The following ARHGAP35 variants were observed in gnomAD, a reference collection of about 807,000 sequenced individuals.
ARHGAP35 encodes Rho GTPase activating protein 35.
Under a neutral mutation model 111.1 loss-of-function variants are expected in ARHGAP35, and 15 were observed. That is an observed-to-expected ratio of 0.13 (90% confidence interval 0.09 to 0.21). The LOEUF is 0.21. ARHGAP35 is among the 10% of genes least tolerant of loss of function. ARHGAP35 has a pLI of 1.00. For missense variants in ARHGAP35, 1,262 were observed against 1,873.0 expected (o/e 0.67, Z 6.02); for synonymous variants, 643 against 710.3 (o/e 0.91, Z 1.51).
chr19:46,861,987 C>T (rs540649387), intron 1 of ARHGAP35, among the ~76,000 whole-genome samples: 8 of 152,306 alleles, frequency 5.3e-5, no homozygotes, highest in Non-Finnish European at 8.8e-5. Context: ...GGCTTTCTGA[C>T]CCTTCCGTGC....
At chr19:46,882,342 T>C (rs901212003) in intron 1 of ARHGAP35, among the ~76,000 whole-genome samples, 1 of 152,068 alleles carries the variant, frequency 6.6e-6, no homozygotes, top group African/African-American at 2.4e-5. Context: ...CAGCGTATGT[T>C]GACCATGCTG....
At chr19:46,877,432 G>A (rs1465328122) in intron 1 of ARHGAP35, among the ~76,000 whole-genome samples, 1 of 151,440 alleles carries the variant, frequency 6.6e-6, no homozygotes, top group East Asian at 2.0e-4. Flanking sequence ...GCGTGGTGGT[G>A]GGCACCTGTA....
At chr19:46,963,631 T>C (rs1389783950) in intron 3 of ARHGAP35, among the ~76,000 whole-genome samples, 3 of 152,178 alleles carry the variant, frequency 2.0e-5, no homozygotes, top group African/African-American at 7.2e-5. Flanking sequence ...GTCCTAACTT[T>C]TAGCTTATCT....
chr19:46,978,176 TC>T (rs1447954259), intron 3 of ARHGAP35, among the ~76,000 whole-genome samples: 2 of 152,174 alleles, frequency 1.3e-5, no homozygotes, highest in Non-Finnish European at 2.9e-5. Context: ...TAGATTTTTA[TC>T]CTAGATTGCA....
At chr19:46,895,445 G>A (rs948361678) in intron 1 of ARHGAP35, among the ~76,000 whole-genome samples, 3 of 152,156 alleles carry the variant, frequency 2.0e-5, no homozygotes, top group South Asian at 2.1e-4. Context: ...GATTACAGGC[G>A]TGAGCCACCG....
chr19:46,993,306 G>A lies in ARHGAP35; in HGVS notation c.4036+3631G>A, dbSNP rs2056689099. Among the ~76,000 whole-genome samples the A allele has an allele frequency of 2.0e-5, 3 of 152,218 alleles. No homozygotes were observed. Among genetic ancestry groups the A allele is most frequent in the Admixed American group, 1.3e-4 (2 of 15,280 alleles). ...TGAGCCGGGCTTTCCCTTTCCTGGCGATGCAGGCGTGCAGATGGTCAGCGG... is the reference window on the plus strand; with the variant it reads ...TGAGCCGGGCTTTCCCTTTCCTGGCAATGCAGGCGTGCAGATGGTCAGCGG... On this transcript the variant is annotated intron_variant, in intron 5 of 6. Transcript: ENST00000672722. The surrounding 1 kb of genome is among the most constrained non-coding windows in gnomAD (Gnocchi z 4.6).
intron 3 of ARHGAP35, among the ~76,000 whole-genome samples, chr19:46,969,168 G>T (rs898585429): frequency 6.6e-6 from 1 of 152,152 alleles, no homozygotes; most frequent in African/African-American, 2.4e-5. Context: ...CATGGATACA[G>T]TTTTTTGGGT....
chr19:46,920,766 C>T lies in ARHGAP35; in HGVS notation c.2091C>T (p.Pro697=), dbSNP rs764651264. Residue 697 remains proline, a synonymous_variant, in exon 2 of 7, where the codon CCC becomes CCT. Coordinates refer to ENST00000672722, the MANE Select transcript of ARHGAP35 (RefSeq NM_004491.5). The surrounding 1 kb of genome is among the most constrained non-coding windows in gnomAD (Gnocchi z 7.0). ...GGGATAATCATTTAGTCCATCTCCC[C>T]CTTACATTAATTTTGGTTAACAAGA... ...GRRDNHLVHL[P]LTLILVNKRG... is the part of the protein sequence containing the mutation. The T allele has an allele frequency of 2.5e-6, 4 of 1,609,236 alleles. No individual in the cohort carries two copies. The East Asian group carries it at 8.9e-5, about 36-fold the overall frequency.
intron 3 of ARHGAP35, among the ~76,000 whole-genome samples, chr19:46,938,704 C>A (rs750886302): frequency 6.7e-5 from 10 of 149,744 alleles, no homozygotes; most frequent in Non-Finnish European, 1.5e-4. Flanking sequence ...TGTTGCCAAG[C>A]TGGAGTGCAG....
At chr19:46,905,964 G>A (rs976316998) in intron 1 of ARHGAP35, among the ~76,000 whole-genome samples, 19 of 150,806 alleles carry the variant, frequency 1.3e-4, no homozygotes, top group Middle Eastern at 3.4e-3. Flanking sequence ...GATTACAGGC[G>A]TGAGCCACCG....
At chr19:46,890,501 G>A (rs1337018973) in intron 1 of ARHGAP35, among the ~76,000 whole-genome samples, 1 of 152,212 alleles carries the variant, frequency 6.6e-6, no homozygotes, top group Non-Finnish European at 1.5e-5. Flanking sequence ...GCTCAGAAAT[G>A]GTAGCTGTTA....
At chr19:46,929,581 A>G (rs1376691943) in intron 2 of ARHGAP35, among the ~76,000 whole-genome samples, 2 of 136,398 alleles carry the variant, frequency 1.5e-5, no homozygotes. Context: ...ATATGGTGTT[A>G]CCTGTTACTC....
At chr19:46,949,457 A>G (rs997796004) in intron 3 of ARHGAP35, among the ~76,000 whole-genome samples, 5 of 152,236 alleles carry the variant, frequency 3.3e-5, no homozygotes, top group African/African-American at 1.2e-4. Flanking sequence ...CTCCTGGCCA[A>G]AAATATTTCA....
At chr19:46,968,679 G>A (rs768110777) in intron 3 of ARHGAP35, among the ~76,000 whole-genome samples, 28 of 152,208 alleles carry the variant, frequency 1.8e-4, no homozygotes, top group Non-Finnish European at 3.7e-4. Flanking sequence ...GCTACAGATG[G>A]ATGAACCTTG....
chr19:46,862,581 TCTC>T (rs1199037390), intron 1 of ARHGAP35, among the ~76,000 whole-genome samples: 1 of 152,102 alleles, frequency 6.6e-6, no homozygotes, highest in African/African-American at 2.4e-5. Flanking sequence ...TACACTTTCT[TCTC>T]GTTTTTTTCA....
intron 1 of ARHGAP35, among the ~76,000 whole-genome samples, chr19:46,896,089 T>C (rs1019877374): frequency 3.3e-5 from 5 of 151,002 alleles, no homozygotes; most frequent in Middle Eastern, 7.1e-3. Context: ...GTGACAAGAA[T>C]GAAACCCCGT....
intron 2 of ARHGAP35, among the ~76,000 whole-genome samples, chr19:46,930,256 G>A (rs909571628): frequency 3.3e-5 from 5 of 151,302 alleles, no homozygotes; most frequent in Admixed American, 3.3e-4. Flanking sequence ...CTAGTTGGGA[G>A]GCTGAGATGG....
intron 1 of ARHGAP35, among the ~76,000 whole-genome samples, chr19:46,909,296 A>G (rs561450941): frequency 4.0e-4 from 61 of 152,212 alleles, no homozygotes; most frequent in Admixed American, 8.5e-4. Flanking sequence ...GACTAAGACC[A>G]TATTTAAAAA....
In ARHGAP35 at chr19:46,908,011, T is replaced by C; in HGVS notation, c.-188-10477T>C. 6.6e-6 allele frequency among the ~76,000 whole-genome samples: 1 copy of C among 152,188 alleles called. No homozygotes were observed. On this transcript the variant is annotated intron_variant, in intron 1 of 6. Transcript: ENST00000672722. The surrounding 1 kb of genome is among the most constrained non-coding windows in gnomAD (Gnocchi z 4.2). ...CATCAGGAAATAGTAAGCCTTACTG[T>C]TGGACTCGAAAATAAGCTGACCCAT...
Sources: gnomAD v4.1 joint callset for allele counts (sites outside exome capture counted in the v4.1 genomes callset) on GRCh38, gnomAD v4.1.1 for gene constraint, Gnocchi (gnomAD v3.1) non-coding constraint, MANE v1.5 for transcripts, NCBI Gene and HGNC (gene_info 2026-07-23, HGNC 2026-07-21) for gene names.